The following BRINP3 variants were observed in gnomAD, a reference collection of about 807,000 sequenced individuals.
BRINP3 encodes the protein BMP/retinoic acid-inducible neural-specific protein 3.
A neutral mutation model predicts 71.0 loss-of-function variants in BRINP3; 19 were observed. The ratio of observed to expected loss-of-function variants is 0.27; its 90% confidence interval spans 0.19 to 0.39. The LOEUF (loss-of-function observed/expected upper bound fraction) is 0.39. BRINP3 is among the 10% of genes least tolerant of loss of function. The probability of loss-of-function intolerance (pLI) is 1.00; values close to 1 mark genes in which losing one functional copy is unlikely to be tolerated. For missense variants in BRINP3, 959 were observed against 940.8 expected (o/e 1.02, Z -0.25); for synonymous variants, 380 against 337.7 (o/e 1.13, Z -1.37).
intron 2 of BRINP3, among the ~76,000 whole-genome samples, chr1:190,352,467 T>A (rs995969812): frequency 1.3e-5 from 2 of 152,044 alleles, no homozygotes; most frequent in African/African-American, 4.8e-5. Flanking sequence ...ATAAAATTTC[T>A]ATCCTGCTAA....
chr1:190,285,540 A>C (rs1663355158), intron 2 of BRINP3, among the ~76,000 whole-genome samples: 1 of 152,064 alleles, frequency 6.6e-6, no homozygotes, highest in African/African-American at 2.4e-5. Flanking sequence ...CGGAGGTGGC[A>C]GTGAACCGAG....
intron 2 of BRINP3, among the ~76,000 whole-genome samples, chr1:190,425,062 C>T (rs1558275003): frequency 6.6e-6 from 1 of 151,648 alleles, no homozygotes; most frequent in East Asian, 1.9e-4. Context: ...AGAACTGACA[C>T]TTCAAATAGC....
At chr1:190,386,706 A>G (rs1252507386) in intron 2 of BRINP3, among the ~76,000 whole-genome samples, 1 of 151,920 alleles carries the variant, frequency 6.6e-6, no homozygotes, top group Non-Finnish European at 1.5e-5. Context: ...GAGTCTCTTC[A>G]CTAACTTCCC....
At chr1:190,394,044 T>C (rs1462634191) in intron 2 of BRINP3, among the ~76,000 whole-genome samples, 1 of 151,618 alleles carries the variant, frequency 6.6e-6, no homozygotes. Context: ...ATAGAAAATA[T>C]ATAATGTCAA....
In BRINP3 at chr1:190,153,641, C is replaced by G. The variant is rs139694320; in HGVS notation, c.1184+7027G>C. ...CAGTTTCATATAAAATTGCTTTCAG[C>G]AAAAGTCCCTCACATTAATATATAA... is the stretch of plus-strand genomic sequence containing the variant. On this transcript the variant is annotated intron_variant, in intron 7 of 7. Coordinates refer to ENST00000367462, the MANE Select transcript of BRINP3 (RefSeq NM_199051.3). 4.6e-5 allele frequency among the ~76,000 whole-genome samples: 7 copies of G among 152,234 alleles called. No homozygotes were observed. The East Asian group carries it at 1.4e-3, about 29-fold the overall frequency.
intron 2 of BRINP3, among the ~76,000 whole-genome samples, chr1:190,400,531 C>A (rs1034487312): frequency 6.6e-6 from 1 of 152,060 alleles, no homozygotes; most frequent in Non-Finnish European, 1.5e-5. Flanking sequence ...TTTTAGTCAG[C>A]GTGAGGTTTC....
At chr1:190,155,893 T>A (rs1656823193) in intron 7 of BRINP3, among the ~76,000 whole-genome samples, 1 of 152,024 alleles carries the variant, frequency 6.6e-6, no homozygotes, top group South Asian at 2.1e-4. Context: ...GAACTGTGAG[T>A]CAATTAAGCC....
At chr1:190,222,420 GTT>G (rs1484113389) in intron 6 of BRINP3, among the ~76,000 whole-genome samples, 1 of 151,814 alleles carries the variant, frequency 6.6e-6, no homozygotes, top group African/African-American at 2.4e-5. Context: ...CAAGCGGGAT[GTT>G]TATAGTAATA....
chr1:190,131,827 T>G (rs970257595), intron 7 of BRINP3, among the ~76,000 whole-genome samples: 9 of 152,062 alleles, frequency 5.9e-5, no homozygotes, highest in African/African-American at 2.2e-4. Flanking sequence ...AACTCTAAAC[T>G]ATAACAGATA....
chr1:190,303,624 A>C (rs1664885143), intron 2 of BRINP3, among the ~76,000 whole-genome samples: 1 of 151,766 alleles, frequency 6.6e-6, no homozygotes, highest in Non-Finnish European at 1.5e-5. Flanking sequence ...GGCTTGAGTA[A>C]ATATTTTATA....
chr1:190,324,174 T>C (rs72729197), intron 2 of BRINP3, among the ~76,000 whole-genome samples: 9,664 of 152,006 alleles, frequency 0.064, 440 homozygotes, highest in East Asian at 0.11. Flanking sequence ...TTTTGGTAAG[T>C]AGCAAAAAAG....
chr1:190,434,858 G>A (rs575145244), intron 2 of BRINP3, among the ~76,000 whole-genome samples: 4 of 151,992 alleles, frequency 2.6e-5, no homozygotes, highest in Non-Finnish European at 5.9e-5. Flanking sequence ...AATTTGATGG[G>A]CTTCCTTCCA....
chr1:190,156,648 TTATC>T (rs1273402301), intron 7 of BRINP3, among the ~76,000 whole-genome samples: 6 of 151,976 alleles, frequency 3.9e-5, no homozygotes, highest in Non-Finnish European at 7.4e-5. Flanking sequence ...ATAAACAAAT[TTATC>T]TAGCAAGAAG....
At chr1:190,396,325 C>T (rs575883865) in intron 2 of BRINP3, among the ~76,000 whole-genome samples, 1 of 151,934 alleles carries the variant, frequency 6.6e-6, no homozygotes, top group South Asian at 2.1e-4. Flanking sequence ...GAAAGTTATA[C>T]AGTTTACAGT....
chr1:190,098,522 A>T lies in BRINP3; in HGVS notation c.1797T>A (p.Thr599=). 6.2e-7 allele frequency: 1 copy of T among 1,614,160 alleles called. No homozygotes were observed. Among genetic ancestry groups the T allele is most frequent in the Non-Finnish European group, 8.5e-7 (1 of 1,180,024 alleles). The stretch of plus-strand genomic sequence containing the variant: ...AACACTGCAGGGGTAGGTCCAACTT[A>T]GTCCGCTCCCAGTCTGGAAAGCTGT... ...NENSFPDWER[T]KLDLPLQCYN... The change falls in exon 8 of 8, where the codon ACT becomes ACA. Residue 599 remains threonine, a synonymous_variant. Transcript: ENST00000367462.
At chr1:190,160,977 T>A in intron 6 of BRINP3, 87 bp from the exon 7 acceptor site, 1 of 868,216 alleles carries the variant, frequency 1.2e-6, no homozygotes, top group South Asian at 1.7e-5. Context: ...TAAGAACAAA[T>A]ACATATACAC....
At position 190,447,794 on chromosome 1, in the gene BRINP3, T is replaced by A. The variant is rs1180987921; in HGVS notation, c.236+6861A>T. 2.6e-5 allele frequency among the ~76,000 whole-genome samples: 4 copies of A among 151,568 alleles called. No homozygotes were observed. The East Asian group carries it at 5.8e-4, about 22-fold the overall frequency. ...ACTCTATTTTTAACTTTTGCTTAAA[T>A]AACCCTGGTATATCATAATTTAAGT... On this transcript the variant is annotated intron_variant, in intron 2 of 7. Coordinates refer to ENST00000367462, the MANE Select transcript of BRINP3 (RefSeq NM_199051.3).
At chr1:190,100,609 T>A (rs1056815216) in intron 7 of BRINP3, among the ~76,000 whole-genome samples, 9 of 152,196 alleles carry the variant, frequency 5.9e-5, no homozygotes, top group Non-Finnish European at 1.3e-4. Context: ...ATCCTAGCTC[T>A]GAAGTAGCAG....
intron 2 of BRINP3, among the ~76,000 whole-genome samples, chr1:190,452,580 C>T (rs939055228): frequency 3.9e-5 from 6 of 152,102 alleles, no homozygotes; most frequent in African/African-American, 1.2e-4. Context: ...TCAAGCTGGC[C>T]GCGCACGGTG....
Sources: gnomAD v4.1 joint callset for allele counts (sites outside exome capture counted in the v4.1 genomes callset) on GRCh38, gnomAD v4.1.1 for gene constraint, MANE v1.5 for transcripts, NCBI Gene and HGNC (gene_info 2026-07-23, HGNC 2026-07-21) for gene names.